TXLNB: variants seen among roughly 807,000 people sequenced by gnomAD.
TXLNB encodes the protein taxilin beta, also known as beta-taxilin.
A neutral mutation model predicts 57.4 loss-of-function variants in TXLNB; 37 were observed. The observed-to-expected ratio is 0.64, with a 90% CI of 0.50 to 0.85. The LOEUF is 0.85. Among genes scored for constraint, TXLNB ranks in the 40% least tolerant of loss-of-function variants. TXLNB has a pLI of 0.00. For missense variants in TXLNB, 848 were observed against 825.6 expected (o/e 1.03, Z -0.33); for synonymous variants, 302 against 309.6 (o/e 0.98, Z 0.26).
At chr6:139,293,233 A>T (rs562328454), upstream of TXLNB, among the ~76,000 whole-genome samples, 1 of 152,272 alleles carries the variant, frequency 6.6e-6, no homozygotes, top group Non-Finnish European at 1.5e-5. Context: ...CTGGGATTAC[A>T]GGCGCCTGCC....
chr6:139,296,962 C>G (rs990694567), upstream of TXLNB, among the ~76,000 whole-genome samples: 3 of 152,172 alleles, frequency 2.0e-5, no homozygotes, highest in African/African-American at 7.2e-5. Context: ...TCCTGCTTTA[C>G]TGCCAATTTC....
At chr6:139,207,506 C>T in the TXLNB span, among the ~76,000 whole-genome samples, 1 of 152,108 alleles carries the variant, frequency 6.6e-6, no homozygotes, top group Non-Finnish European at 1.5e-5. Flanking sequence ...AAGTTCATAG[C>T]ATTAAACATC....
chr6:139,297,741 A>T, the TXLNB span, among the ~76,000 whole-genome samples: 1 of 152,222 alleles, frequency 6.6e-6, no homozygotes, highest in African/African-American at 2.4e-5. Flanking sequence ...ATTAATTCCA[A>T]TAATTATGTG....
chr6:139,190,593 G>A, the TXLNB span, among the ~76,000 whole-genome samples: 1 of 152,086 alleles, frequency 6.6e-6, no homozygotes. Flanking sequence ...ACAGGAGTGA[G>A]CCACCACGCC....
intron 5 of TXLNB, among the ~76,000 whole-genome samples, chr6:139,260,723 A>G (rs1378895937): frequency 6.6e-6 from 1 of 152,224 alleles, no homozygotes; most frequent in East Asian, 1.9e-4. Context: ...TACGTTTGGT[A>G]ACTATTAGAT....
the TXLNB span, among the ~76,000 whole-genome samples, chr6:139,162,446 A>G: frequency 6.6e-6 from 1 of 152,308 alleles, no homozygotes; most frequent in East Asian, 1.9e-4. Flanking sequence ...AAGAGAAGTT[A>G]AGTAAGTTGT....
Position 139,288,869 on chromosome 6 carries a change from C to T in TXLNB, c.31G>A (p.Ala11Thr), listed in dbSNP as rs9321712. Residue 11 changes from alanine to threonine, a missense_variant, in exon 2 of 10, where the codon GCG becomes ACG. Transcript: ENST00000358430. MEANHSEQLS[A>T]ERQSTPPGDS... is the part of the protein sequence containing the mutation. ...CCTGGAGGTGTTGACTGTCGTTCCG[C>T]TGAGAGCTGTTCAGAGTGATTAGCC... 16,650 of 1,613,988 alleles carry T rather than the reference C, an allele frequency of 0.01. 1,273 individuals carry two copies. In the African/African-American group the frequency reaches 0.18, roughly 17 times the overall value.
At chr6:139,300,347 A>C in the TXLNB span, among the ~76,000 whole-genome samples, 2 of 152,138 alleles carry the variant, frequency 1.3e-5, no homozygotes, top group African/African-American at 4.8e-5. Context: ...TAGGATGTAG[A>C]ACAACGCAAC....
chr6:139,219,881 T>G, the TXLNB span, among the ~76,000 whole-genome samples: 4 of 152,236 alleles, frequency 2.6e-5, no homozygotes, highest in African/African-American at 9.6e-5. Flanking sequence ...TTCTGTTTTC[T>G]TGCTGATATA....
chr6:139,163,613 G>A, the TXLNB span, among the ~76,000 whole-genome samples: 2 of 152,056 alleles, frequency 1.3e-5, no homozygotes, highest in African/African-American at 4.8e-5. Flanking sequence ...CACGGCCTTC[G>A]AAAGTGCTGG....
At chr6:139,265,298 A>C (rs1377841704) in intron 4 of TXLNB, among the ~76,000 whole-genome samples, 1 of 152,180 alleles carries the variant, frequency 6.6e-6, no homozygotes, top group Non-Finnish European at 1.5e-5. Flanking sequence ...CTTACTAGGC[A>C]GTTCTTTTTC....
At chr6:139,305,415 G>T in the TXLNB span, among the ~76,000 whole-genome samples, 3 of 152,068 alleles carry the variant, frequency 2.0e-5, no homozygotes, top group Admixed American at 1.3e-4. Context: ...AATCGCTATG[G>T]ATTATAACCA....
intron 4 of TXLNB, 151 bp downstream of exon 4, chr6:139,270,305 T>C: frequency 1.4e-6 from 1 of 703,110 alleles, no homozygotes; most frequent in Non-Finnish European, 2.3e-6. Flanking sequence ...GGAGGTAAAA[T>C]TATTTAAGGT....
At chr6:139,272,555 T>TATTGATTTCAATC in intron 3 of TXLNB, among the ~76,000 whole-genome samples, 1 of 152,206 alleles carries the variant, frequency 6.6e-6, no homozygotes, top group East Asian at 1.9e-4. Context: ...CCCATATTAC[T>TATTGATTTCAATC]AAAAATATTG....
intron 2 of TXLNB, among the ~76,000 whole-genome samples, chr6:139,284,195 C>A (rs966500145): frequency 6.9e-6 from 1 of 145,496 alleles, no homozygotes; most frequent in Admixed American, 6.8e-5. Flanking sequence ...TTTATCTTTG[C>A]GCACCTAGCA....
the TXLNB span, among the ~76,000 whole-genome samples, chr6:139,221,322 T>C: frequency 2.4e-5 from 2 of 82,416 alleles, no homozygotes; most frequent in Non-Finnish European, 5.6e-5. Context: ...GAAAATAAAG[T>C]TCCCTAAAAA....
At chr6:139,218,114 A>C in the TXLNB span, among the ~76,000 whole-genome samples, 1 of 152,090 alleles carries the variant, frequency 6.6e-6, no homozygotes, top group Non-Finnish European at 1.5e-5. Context: ...GGTCCCCTTT[A>C]GGGTGTTCAG....
At chr6:139,176,840 G>C in the TXLNB span, 2 of 714,222 alleles carry the variant, frequency 2.8e-6, no homozygotes, top group East Asian at 5.4e-5. This position sits in a 1 kb window ranked among gnomAD's most constrained non-coding sequence, Gnocchi z 4.5. Context: ...GGGATGCTTT[G>C]CAAAGCCCTT....
At chr6:139,174,471 G>A in the TXLNB span, 1 of 1,613,564 alleles carries the variant, frequency 6.2e-7, no homozygotes, top group South Asian at 1.1e-5. Context: ...GTCACGGTGG[G>A]ATGGCAGCTG....
Sources: gnomAD v4.1 joint callset for allele counts (sites outside exome capture counted in the v4.1 genomes callset) on GRCh38, gnomAD v4.1.1 for gene constraint, Gnocchi (gnomAD v3.1) non-coding constraint, MANE v1.5 for transcripts, NCBI Gene and HGNC (gene_info 2026-07-23, HGNC 2026-07-21) for gene names.